Variants in RGS6 observed in about 807,000 individuals in gnomAD.
The protein encoded by RGS6 is regulator of G protein signaling 6.
RGS6 carries 30 observed loss-of-function variants against 78.5 expected under a neutral mutation model. The ratio of observed to expected loss-of-function variants is 0.38; its 90% confidence interval spans 0.29 to 0.52. The LOEUF is 0.52. Ranked by LOEUF, RGS6 falls within the 20% of genes least tolerant of loss-of-function variation. The probability of loss-of-function intolerance (pLI) is 0.85; values close to 1 mark genes in which losing one functional copy is unlikely to be tolerated. For synonymous variants in RGS6, 206 were observed against 206.0 expected, an observed-to-expected ratio of 1.00 and a Z score of 0.00; for missense variants, 495 against 609.7, an observed-to-expected ratio of 0.81 and a Z score of 1.98.
intron 17 of RGS6, chr14:72,552,699 T>C (rs1017374892): frequency 2.0e-5 from 3 of 151,952 alleles, no homozygotes; most frequent in African/African-American, 7.3e-5. Flanking sequence ...CAAAGCGAGG[T>C]AGTGGAGGAG....
intron 2 of RGS6, among the ~76,000 whole-genome samples, chr14:72,045,450 A>G (rs960961505): frequency 2.6e-5 from 4 of 152,130 alleles, no homozygotes; most frequent in African/African-American, 7.2e-5. Context: ...AGAGGCTTCA[A>G]ATTCCTCTGG....
At chr14:72,387,909 G>C (rs2088758913) in intron 3 of RGS6, among the ~76,000 whole-genome samples, 1 of 152,168 alleles carries the variant, frequency 6.6e-6, no homozygotes, top group Non-Finnish European at 1.5e-5. Context: ...CCTTCTCACT[G>C]AGTCTCCACA....
intron 3 of RGS6, among the ~76,000 whole-genome samples, chr14:72,417,909 C>T (rs2093938832): frequency 6.6e-6 from 1 of 152,164 alleles, no homozygotes; most frequent in Non-Finnish European, 1.5e-5. Flanking sequence ...AGTTTTTGAT[C>T]AAGAGAGCTC....
chr14:72,319,245 C>T (rs1030097577), intron 2 of RGS6, among the ~76,000 whole-genome samples: 6 of 152,092 alleles, frequency 3.9e-5, no homozygotes, highest in African/African-American at 1.4e-4. Flanking sequence ...TTAAAGAAAC[C>T]ACCAAAGAGC....
chr14:72,476,522 C>G (rs1008584814), intron 10 of RGS6, among the ~76,000 whole-genome samples: 5 of 152,166 alleles, frequency 3.3e-5, no homozygotes, highest in Non-Finnish European at 5.9e-5. Flanking sequence ...CTATTTTCAG[C>G]CCAATAAAAG....
At chr14:72,371,148 G>A (rs2083434235) in intron 3 of RGS6, among the ~76,000 whole-genome samples, 1 of 152,152 alleles carries the variant, frequency 6.6e-6, no homozygotes, top group African/African-American at 2.4e-5. Context: ...TAACTTCACT[G>A]TAACATGTTT....
rs59035423 is a variant in RGS6, at chr14:72,493,768, GA to G, written c.855-1373del. 4.2e-3 allele frequency among the ~76,000 whole-genome samples: 612 copies of G among 144,856 alleles called. 2 individuals carry two copies. The highest frequency in any genetic ancestry group is 0.014 in the African/African-American group (557 of 39,730). On this transcript the variant is annotated intron_variant, in intron 12 of 17. Coordinates refer to ENST00000553525, the MANE Select transcript of RGS6 (RefSeq NM_001204424.2). ...TTCTCAATAGTAACACTGCATACCAGAAAAAAAAAAACATGGAGTGATGCCT... is the reference window on the plus strand; with the variant it reads ...TTCTCAATAGTAACACTGCATACCAGAAAAAAAAAACATGGAGTGATGCCT...
At chr14:71,948,195 TC>T (rs56716394) in intron 1 of RGS6, among the ~76,000 whole-genome samples, 9,186 of 152,210 alleles carry the variant, frequency 0.06, 584 homozygotes, top group East Asian at 0.19. Context: ...TACCCTCACA[TC>T]TTTTCAACAG....
intron 3 of RGS6, among the ~76,000 whole-genome samples, chr14:72,442,840 C>G (rs1006212493): frequency 1.4e-4 from 21 of 152,214 alleles, no homozygotes; most frequent in African/African-American, 5.1e-4. Flanking sequence ...TTAGCTGTAG[C>G]TGGGATGGAG....
intron 1 of RGS6, among the ~76,000 whole-genome samples, chr14:71,937,224 G>T (rs2089606183): frequency 6.6e-6 from 1 of 152,172 alleles, no homozygotes. Context: ...TGTCCAGGTG[G>T]CAATCTTAAC....
At position 72,410,238 on chromosome 14, in the gene RGS6, T is replaced by C. The variant is rs559391397; in HGVS notation, c.185-44290T>C. Among the ~76,000 whole-genome samples the C allele has an allele frequency of 5.9e-5, 9 of 152,346 alleles. No homozygotes were observed. The East Asian group carries it at 9.6e-4, about 16-fold the overall frequency. The stretch of plus-strand genomic sequence containing the variant: ...TCTCCAGCACCTGTTGTTTCCTGAC[T>C]TTTTAATGATTGCCATTCTAACTGG... On this transcript the variant is annotated intron_variant, in intron 3 of 17. Transcript: ENST00000553525.
At chr14:72,434,316 G>T (rs1235243779) in intron 3 of RGS6, among the ~76,000 whole-genome samples, 2 of 152,326 alleles carry the variant, frequency 1.3e-5, no homozygotes, top group Admixed American at 1.3e-4. Flanking sequence ...CAGCCTGGGT[G>T]ACAGAGCGAG....
At chr14:71,944,313 T>C (rs1469566464) in intron 1 of RGS6, among the ~76,000 whole-genome samples, 1 of 152,166 alleles carries the variant, frequency 6.6e-6, no homozygotes, top group African/African-American at 2.4e-5. Context: ...GCCCATTTTA[T>C]AGATGAGGAA....
At chr14:72,612,479 A>G in the RGS6 span, 6 of 518,822 alleles carry the variant, frequency 1.2e-5, no homozygotes, top group South Asian at 7.0e-5. Flanking sequence ...TACATGTTGA[A>G]AATGTGCACG....
rs145512908 is a variant in RGS6, at chr14:72,292,566, G to T, written c.85-59529G>T. Reference sequence around the variant, plus strand: ...TAGTCTGTTAAACTTCTATTTTCCCGTCAGACTGTTTTAACAATGCCCTCT... The same window carrying T: ...TAGTCTGTTAAACTTCTATTTTCCCTTCAGACTGTTTTAACAATGCCCTCT... On this transcript the variant is annotated intron_variant, in intron 2 of 17. Coordinates refer to ENST00000553525, the MANE Select transcript of RGS6 (RefSeq NM_001204424.2). Among the ~76,000 whole-genome samples, 13 of 152,248 alleles carry T rather than the reference G, an allele frequency of 8.5e-5. No homozygotes were observed. The South Asian group carries it at 2.5e-3, about 29-fold the overall frequency.
At chr14:72,033,318 C>T (rs2091200970) in intron 2 of RGS6, among the ~76,000 whole-genome samples, 1 of 152,186 alleles carries the variant, frequency 6.6e-6, no homozygotes, top group South Asian at 2.1e-4. Context: ...GCTGCAGCCT[C>T]AATCCCCTGG....
At chr14:72,068,137 A>AT (rs10691175) in intron 2 of RGS6, among the ~76,000 whole-genome samples, 2,088 of 145,462 alleles carry the variant, frequency 0.014, 48 homozygotes, top group African/African-American at 0.036. Context: ...GTATGTATGT[A>AT]TTTTTTTTTT....
intron 2 of RGS6, among the ~76,000 whole-genome samples, chr14:72,143,309 G>A (rs984394997): frequency 1.3e-5 from 2 of 151,872 alleles, no homozygotes; most frequent in Non-Finnish European, 2.9e-5. Context: ...AGAGGCAGAG[G>A]TTGCAGTGAG....
At chr14:72,249,945 A>G (rs1381663367) in intron 2 of RGS6, among the ~76,000 whole-genome samples, 1 of 152,038 alleles carries the variant, frequency 6.6e-6, no homozygotes, top group Admixed American at 6.6e-5. Flanking sequence ...TTGTAGGGAC[A>G]TGGATGAAAT....
Sources: gnomAD v4.1 joint callset for allele counts (sites outside exome capture counted in the v4.1 genomes callset) on GRCh38, gnomAD v4.1.1 for gene constraint, MANE v1.5 for transcripts, NCBI Gene and HGNC (gene_info 2026-07-23, HGNC 2026-07-21) for gene names.